RGL3: variants seen among roughly 807,000 people sequenced by gnomAD.
RGL3 encodes ral guanine nucleotide dissociation stimulator like 3, also known as ral guanine nucleotide dissociation stimulator-like 3.
In RGL3, 85 loss-of-function variants were observed where a neutral mutation model predicts 90.6. That is an observed-to-expected ratio of 0.94 (90% CI 0.79 to 1.12). RGL3 has a LOEUF of 1.12. Ranked by LOEUF, RGL3 falls within the 50% of genes most tolerant of loss-of-function variation. The probability of loss-of-function intolerance (pLI) is 0.00; values close to 1 mark genes in which losing one functional copy is unlikely to be tolerated. For synonymous variants in RGL3, 408 were observed against 385.5 expected (o/e 1.06, Z -0.68); for missense variants, 1,034 against 939.2 (o/e 1.10, Z -1.32).
At position 11,402,706 on chromosome 19, in the gene RGL3, C is replaced by A. The variant is rs1819434592; in HGVS notation, c.1186G>T (p.Glu396Ter). The change falls in exon 10 of 19, where the codon GAG (glutamate) becomes TAG (stop). Residue 396 changes from glutamate to a stop codon, truncating the protein, a stop_gained and splice_region_variant. Transcript: ENST00000380456. LOFTEE classifies it high-confidence loss of function. ...HLSSREILFQEEATEGSQEED... is the reference protein window; with the variant it reads ...HLSSREILFQ Reference sequence around the variant, plus strand: ...TCTTGGGATCCCTCAGTGGCCTCCTCCTGAGGGAAGAGAAAAACTGAGCCA... The same window carrying A: ...TCTTGGGATCCCTCAGTGGCCTCCTACTGAGGGAAGAGAAAAACTGAGCCA... 1 of 1,612,788 alleles carries A rather than the reference C, an allele frequency of 6.2e-7. No individual in the cohort carries two copies. The highest frequency in any genetic ancestry group is 8.5e-7 in the Non-Finnish European group (1 of 1,179,618).
intron 5 of RGL3, among the ~76,000 whole-genome samples, chr19:11,412,637 C>G (rs1331402009): frequency 2.0e-5 from 3 of 151,698 alleles, no homozygotes; most frequent in Non-Finnish European, 2.9e-5. Flanking sequence ...GAGTTCGAGT[C>G]CAGCCTGGGC....
chr19:11,416,717 T>G, intron 3 of RGL3, 50 bp from the exon 4 acceptor site: 2 of 1,599,516 alleles, frequency 1.3e-6, no homozygotes, highest in Middle Eastern at 3.3e-4. Flanking sequence ...TAGAGGGGGC[T>G]TAGGAAGAGG....
chr19:11,413,110 C>T, intron 5 of RGL3, among the ~76,000 whole-genome samples: 1 of 151,754 alleles, frequency 6.6e-6, no homozygotes, highest in East Asian at 1.9e-4. Flanking sequence ...CCATATAATT[C>T]TCTGCAATGG....
chr19:11,411,751 C>T (rs1396738703), intron 5 of RGL3, among the ~76,000 whole-genome samples: 1 of 151,842 alleles, frequency 6.6e-6, no homozygotes, highest in African/African-American at 2.4e-5. Context: ...GCCTCCCAAG[C>T]AGCTGGGACT....
At chr19:11,401,390 A>G (rs1221903571) in intron 13 of RGL3, among the ~76,000 whole-genome samples, 1 of 150,156 alleles carries the variant, frequency 6.7e-6, no homozygotes, top group Non-Finnish European at 1.5e-5. Context: ...CACCACATTC[A>G]GCTAATTTTT....
At chr19:11,414,494 T>TATATATATATATATATACACCTTC (rs1968951404) in intron 5 of RGL3, among the ~76,000 whole-genome samples, 14 of 37,216 alleles carry the variant, frequency 3.8e-4, no homozygotes, top group African/African-American at 1.4e-3. Flanking sequence ...CACCTTCATA[T>TATATATATATATATATACACCTTC]ATATATATAT....
In RGL3 at chr19:11,414,166, T is replaced by TATAC. The variant is rs1171923889; in HGVS notation, c.637+1770_637+1771insGTAT. On this transcript the variant is annotated intron_variant, in intron 5 of 18. Transcript: ENST00000380456. ...ATATATATATATATATATATATATATATATATATATACACCTATATATATA... is the reference window on the plus strand; with the variant it reads ...ATATATATATATATATATATATATATATACATATATATATACACCTATATATATA... Among the ~76,000 whole-genome samples the TATAC allele has an allele frequency of 1.1e-3, 120 of 112,522 alleles. 2 individuals are homozygous for TATAC. The highest frequency in any genetic ancestry group is 4.5e-3 in the African/African-American group (116 of 25,658). The allele number at this position is 112,522 out of a possible 152,430, so 73.8% of individuals were successfully genotyped here.
At chr19:11,418,360 T>C in intron 2 of RGL3, 1 of 362,658 alleles carries the variant, frequency 2.8e-6, no homozygotes, top group Non-Finnish European at 5.0e-6. Context: ...CCAACCCCAT[T>C]CCACCTTCCA....
intron 16 of RGL3, among the ~76,000 whole-genome samples, chr19:11,398,130 C>T (rs1968610453): frequency 6.6e-6 from 1 of 152,148 alleles, no homozygotes; most frequent in African/African-American, 2.4e-5. Context: ...ATATACACCA[C>T]CCTACCATAT....
At chr19:11,412,921 G>A (rs369354299) in intron 5 of RGL3, among the ~76,000 whole-genome samples, 2 of 151,956 alleles carry the variant, frequency 1.3e-5, no homozygotes, top group Non-Finnish European at 2.9e-5. Context: ...AGCCAAGATC[G>A]CGCCATTGCA....
At chr19:11,406,058 T>G (rs1296752984) in intron 7 of RGL3, among the ~76,000 whole-genome samples, 6 of 151,808 alleles carry the variant, frequency 4.0e-5, no homozygotes, top group Non-Finnish European at 8.8e-5. Flanking sequence ...GTCGGACCCC[T>G]GGGTGTTGTC....
At chr19:11,399,108 T>G (rs1304403137) in intron 16 of RGL3, among the ~76,000 whole-genome samples, 1 of 152,108 alleles carries the variant, frequency 6.6e-6, no homozygotes, top group Non-Finnish European at 1.5e-5. Flanking sequence ...CCAGCTAATT[T>G]TTTTGACTTT....
At chr19:11,407,688 C>CTTT (rs773809188) in intron 5 of RGL3, among the ~76,000 whole-genome samples, 1 of 137,928 alleles carries the variant, frequency 7.3e-6, no homozygotes, top group African/African-American at 2.6e-5. Context: ...CTCTCTGTGC[C>CTTT]TTTTTTTTTT....
intron 16 of RGL3, among the ~76,000 whole-genome samples, chr19:11,398,333 G>A (rs8104158): frequency 0.07 from 10,703 of 152,022 alleles, 979 homozygotes; most frequent in African/African-American, 0.21. Context: ...CTGGTACACA[G>A]ATTCTTTTCT....
intron 5 of RGL3, among the ~76,000 whole-genome samples, chr19:11,414,746 T>C (rs1968964362): frequency 6.6e-6 from 1 of 151,572 alleles, no homozygotes; most frequent in Non-Finnish European, 1.5e-5. Flanking sequence ...AACTAATCTG[T>C]GTTGTTCCTG....
chr19:11,417,599 A>T (rs1969026640), intron 2 of RGL3, among the ~76,000 whole-genome samples: 1 of 150,464 alleles, frequency 6.6e-6, no homozygotes, highest in South Asian at 2.1e-4. Context: ...CCTCCCAAGT[A>T]TCTGGGATTA....
rs201058881 is a variant in RGL3, at chr19:11,418,808, G to T, written c.34-24C>A. On this transcript the variant is annotated intron_variant, in intron 1 of 18. Coordinates refer to ENST00000380456, the MANE Select transcript of RGL3 (RefSeq NM_001035223.4). Reference sequence around the variant, plus strand: ...GCCTGGACGCACAGGCGGACTCAGGGCACCAAAGGGGCACAGGTCCTGGGG... The same window carrying T: ...GCCTGGACGCACAGGCGGACTCAGGTCACCAAAGGGGCACAGGTCCTGGGG... 269 of 1,524,082 alleles carry T rather than the reference G, an allele frequency of 1.8e-4. No individual in the cohort carries two copies. The East Asian group carries it at 6.1e-3, about 34-fold the overall frequency. The allele number at this position is 1,524,082 out of a possible 1,614,324, so 94.4% of individuals were successfully genotyped here. A position where few individuals can be genotyped will look rare whatever the true frequency, so the allele number is the denominator to read the frequency against.
chr19:11,396,993 T>C (rs1355040342), intron 18 of RGL3, among the ~76,000 whole-genome samples: 1 of 152,120 alleles, frequency 6.6e-6, no homozygotes, highest in Non-Finnish European at 1.5e-5. Context: ...TTATTGTCTT[T>C]TAAATTTTAG....
intron 9 of RGL3, 22 bp from the exon 10 acceptor site, chr19:11,402,728 G>A (rs769278363): frequency 6.2e-7 from 1 of 1,610,000 alleles, no homozygotes; most frequent in Non-Finnish European, 8.5e-7. Context: ...GAAAAACTGA[G>A]CCAGGTCTGG....
Sources: allele counts gnomAD v4.1 joint callset (sites outside exome capture counted in the v4.1 genomes callset), GRCh38; gene constraint gnomAD v4.1.1; transcripts MANE v1.5; gene names NCBI Gene and HGNC (gene_info 2026-07-23, HGNC 2026-07-21).